RAP1GAP2: variants seen among roughly 807,000 people sequenced by gnomAD.
The protein encoded by RAP1GAP2 is RAP1 GTPase activating protein 2, also known as rap1 GTPase-activating protein 2.
In RAP1GAP2, 27 loss-of-function variants were observed where a neutral mutation model predicts 95.0. That is an observed-to-expected ratio of 0.28 (90% CI 0.21 to 0.39). The LOEUF is 0.39. RAP1GAP2 is among the 10% of genes least tolerant of loss of function. The pLI, the probability that RAP1GAP2 is intolerant of heterozygous loss-of-function variation, is 1.00. For synonymous variants in RAP1GAP2, 373 were observed against 380.9 expected (o/e 0.98, Z 0.24); for missense variants, 771 against 970.0 (o/e 0.79, Z 2.72).
In RAP1GAP2 at chr17:2,906,564, A is replaced by C. The variant is rs1431729794; in HGVS notation, c.165+1196A>C. ...GGGCAGTGGAAGCCAGACCACCTTC[A>C]CTAGCCTAGTGCCTGCCCCAGCACC... On this transcript the variant is annotated intron_variant, in intron 3 of 24. Coordinates refer to ENST00000254695, the MANE Select transcript of RAP1GAP2 (RefSeq NM_015085.5). This position sits in a 1 kb window ranked among gnomAD's most constrained non-coding sequence, Gnocchi z 4.3. Among the ~76,000 whole-genome samples the C allele has an allele frequency of 6.6e-6, 1 of 151,860 alleles. No individual in the cohort carries two copies. Among genetic ancestry groups the C allele is most frequent in the East Asian group, 2.0e-4 (1 of 5,120 alleles).
At chr17:2,847,061 T>C (rs2005674) in intron 2 of RAP1GAP2, among the ~76,000 whole-genome samples, 113,556 of 151,998 alleles carry the variant, frequency 0.75, 42,521 homozygotes, top group African/African-American at 0.79. Context: ...CAGGTTGGAG[T>C]GCAGTGGCGC....
chr17:3,000,440 G>A (rs12936441), intron 14 of RAP1GAP2, among the ~76,000 whole-genome samples: 12,438 of 94,518 alleles, frequency 0.13, 390 homozygotes, highest in East Asian at 0.24. Context: ...CGGAGAAGGG[G>A]CAGAAGAAGC....
At chr17:2,886,073 C>A (rs1403068928) in intron 2 of RAP1GAP2, among the ~76,000 whole-genome samples, 8 of 152,066 alleles carry the variant, frequency 5.3e-5, no homozygotes. Context: ...CTTCCCCACA[C>A]CCCGTCCACT....
chr17:2,965,748 G>A lies in RAP1GAP2; in HGVS notation c.596+105G>A. 1 of 867,142 alleles carries A rather than the reference G, an allele frequency of 1.2e-6. No homozygotes were observed. The allele number at this position is 867,142 out of a possible 1,614,324, so 53.7% of individuals were successfully genotyped here. On this transcript the variant is annotated intron_variant, in intron 8 of 24. Coordinates refer to ENST00000254695, the MANE Select transcript of RAP1GAP2 (RefSeq NM_015085.5). The surrounding 1 kb of genome is among the most constrained non-coding windows in gnomAD (Gnocchi z 4.7). ...CAGAAATACCAGACTGACCAGTCTGGTCTGGGTGCACTGGCTGACGGGGAC... is the reference window on the plus strand; with the variant it reads ...CAGAAATACCAGACTGACCAGTCTGATCTGGGTGCACTGGCTGACGGGGAC...
rs2072790779 is a variant in RAP1GAP2, at chr17:2,870,290, T to C, written c.81-34994T>C. Among the ~76,000 whole-genome samples the C allele has an allele frequency of 6.6e-6, 1 of 152,050 alleles. No homozygotes were observed. The highest frequency in any genetic ancestry group is 2.4e-5 in the African/African-American group (1 of 41,408). On this transcript the variant is annotated intron_variant, in intron 2 of 24. Transcript: ENST00000254695. This position sits in a 1 kb window ranked among gnomAD's most constrained non-coding sequence, Gnocchi z 4.4. ...CACCACCACACCTGGCTAATTTTTT[T>C]GTATTTTTAGTAAATACGGGGTTTT...
rs1221065414 is a variant in RAP1GAP2, at chr17:2,796,580, CAGGT to C, written c.44+10_44+13del. ...TTTGGGGGCTTCGGATGGTGGGTGA[CAGGT>C]GGGAGGGTGGGGGAATGATGGGAGA... On this transcript the variant is annotated intron_variant, in intron 1 of 24. Transcript: ENST00000254695. The surrounding 1 kb of genome is among the most constrained non-coding windows in gnomAD (Gnocchi z 4.7). 5 of 1,559,666 alleles carry C rather than the reference CAGGT, an allele frequency of 3.2e-6. No homozygotes were observed. The highest frequency in any genetic ancestry group is 3.5e-6 in the Non-Finnish European group (4 of 1,151,592).
chr17:3,005,843 C>A lies in RAP1GAP2; in HGVS notation c.1273-112C>A. ...AGAAATGATCCGCTGTCGGAAGGGA[C>A]TTTTCAGGGGTTCTCCCCATGGCCC... On this transcript the variant is annotated intron_variant, in intron 15 of 24. Coordinates refer to ENST00000254695, the MANE Select transcript of RAP1GAP2 (RefSeq NM_015085.5). This position sits in a 1 kb window ranked among gnomAD's most constrained non-coding sequence, Gnocchi z 5.2. The A allele has an allele frequency of 9.6e-7, 1 of 1,037,594 alleles. No individual in the cohort carries two copies. The highest frequency in any genetic ancestry group is 1.5e-6 in the Non-Finnish European group (1 of 660,998). 64.3% of individuals were successfully genotyped at this position (1,037,594 alleles called of 1,614,324 possible). A position where few individuals can be genotyped will look rare whatever the true frequency, so the allele number is the denominator to read the frequency against.
chr17:2,902,893 T>C lies in RAP1GAP2; in HGVS notation c.81-2391T>C, dbSNP rs1258584349. Reference sequence around the variant, plus strand: ...CTCAGGGCCTTGAACAATAATCATATGTGCCCTGGTGCCATGAGCGTGGAC... The same window carrying C: ...CTCAGGGCCTTGAACAATAATCATACGTGCCCTGGTGCCATGAGCGTGGAC... On this transcript the variant is annotated intron_variant, in intron 2 of 24. Transcript: ENST00000254695. The surrounding 1 kb of genome is among the most constrained non-coding windows in gnomAD (Gnocchi z 4.1). 6.6e-6 allele frequency among the ~76,000 whole-genome samples: 1 copy of C among 152,168 alleles called. No homozygotes were observed. Among genetic ancestry groups the C allele is most frequent in the Admixed American group, 6.5e-5 (1 of 15,274 alleles).
In RAP1GAP2 at chr17:2,833,145, ATTTTTTT is replaced by A. The variant is rs201994901; in HGVS notation, c.80+32605_80+32611del. On this transcript the variant is annotated intron_variant, in intron 2 of 24. Transcript: ENST00000254695. ...CTCCTGTAAATGGTTGTTCTTGATA[ATTTTTTT>A]TTTTTTTTTAGATGGAGTCTTGCTC... 2.1e-5 allele frequency among the ~76,000 whole-genome samples: 3 copies of A among 140,176 alleles called. No homozygotes were observed. The East Asian group carries it at 6.4e-4, about 30-fold the overall frequency. 92.0% of individuals were successfully genotyped at this position (140,176 alleles called of 152,430 possible). A position where few individuals can be genotyped will look rare whatever the true frequency, so the allele number is the denominator to read the frequency against.
intron 3 of RAP1GAP2, among the ~76,000 whole-genome samples, chr17:2,952,380 A>T (rs1445230077): frequency 6.6e-6 from 1 of 152,276 alleles, no homozygotes; most frequent in South Asian, 2.1e-4. Flanking sequence ...CCCATTGCTT[A>T]GACTTTTTGG....
chr17:2,995,376 G>T lies in RAP1GAP2; in HGVS notation c.954G>T (p.Gly318=), dbSNP rs373916804. 77 of 1,613,812 alleles carry T rather than the reference G, an allele frequency of 4.8e-5. No individual in the cohort carries two copies. In the African/African-American group the frequency reaches 9.1e-4, roughly 19 times the overall value. ...TGGACGTGACCCACGGACAGACAGG[G>T]GTGGAATCAGTGTACACAACATTCC... ...GGLDVTHGQT[G]VESVYTTFRD... The change falls in exon 13 of 25, where the codon GGG becomes GGT. Residue 318 remains glycine (G), a synonymous_variant. Transcript: ENST00000254695.
At chr17:2,839,590 AC>A (rs1280305005) in intron 2 of RAP1GAP2, among the ~76,000 whole-genome samples, 1 of 152,054 alleles carries the variant, frequency 6.6e-6, no homozygotes, top group Non-Finnish European at 1.5e-5. Flanking sequence ...TGTTCCAGGA[AC>A]CACATTACAT....
At chr17:3,022,703 GT>G (rs2046997826) in intron 19 of RAP1GAP2, among the ~76,000 whole-genome samples, 1 of 152,136 alleles carries the variant, frequency 6.6e-6, no homozygotes, top group Admixed American at 6.5e-5. Context: ...TTGGTTGATT[GT>G]TTCCTTTGGT....
At chr17:2,864,678 G>A (rs1425167789) in intron 2 of RAP1GAP2, among the ~76,000 whole-genome samples, 3 of 152,202 alleles carry the variant, frequency 2.0e-5, no homozygotes, top group Non-Finnish European at 4.4e-5. Flanking sequence ...CCAGTCCTGT[G>A]CGTCCTTTGG....
At chr17:2,973,480 C>T (rs184103916) in intron 8 of RAP1GAP2, among the ~76,000 whole-genome samples, 37 of 152,314 alleles carry the variant, frequency 2.4e-4, no homozygotes, top group African/African-American at 8.9e-4. Flanking sequence ...CACACCACTG[C>T]ACTCCAGCCT....
At chr17:2,802,915 C>G (rs774701552) in intron 2 of RAP1GAP2, among the ~76,000 whole-genome samples, 12 of 152,196 alleles carry the variant, frequency 7.9e-5, no homozygotes, top group Non-Finnish European at 8.8e-5. Context: ...TGCTTCCCTT[C>G]TCTGGGCTTT....
At chr17:2,896,936 C>A (rs2041849036) in intron 2 of RAP1GAP2, among the ~76,000 whole-genome samples, 1 of 152,240 alleles carries the variant, frequency 6.6e-6, no homozygotes, top group African/African-American at 2.4e-5. Context: ...TCATCTCCTG[C>A]ACAGCCTGGG....
At chr17:2,924,305 C>G (rs1340693106) in intron 3 of RAP1GAP2, among the ~76,000 whole-genome samples, 1 of 152,044 alleles carries the variant, frequency 6.6e-6, no homozygotes, top group Non-Finnish European at 1.5e-5. Context: ...TGTTCCGAGC[C>G]GAGGCTCAGT....
chr17:2,911,812 G>A (rs889680566), intron 3 of RAP1GAP2, among the ~76,000 whole-genome samples: 3 of 152,164 alleles, frequency 2.0e-5, no homozygotes, highest in Admixed American at 1.3e-4. Context: ...TAAAGGGGTT[G>A]ATTCTCCTGA....
Sources: allele counts gnomAD v4.1 joint callset (sites outside exome capture counted in the v4.1 genomes callset), GRCh38; gene constraint gnomAD v4.1.1; non-coding constraint Gnocchi (gnomAD v3.1); transcripts MANE v1.5; gene names NCBI Gene and HGNC (gene_info 2026-07-23, HGNC 2026-07-21).